Variants in SCO2 observed in about 807,000 individuals in gnomAD.
SCO2 encodes cytochrome c oxidase assembly factor SCO2.
For missense variants in SCO2, 429 were observed against 348.7 expected, an observed-to-expected ratio of 1.23 and a Z score of -1.83; for synonymous variants, 195 against 148.6, an observed-to-expected ratio of 1.31 and a Z score of -2.27.
At position 50,525,571 on chromosome 22, in the gene SCO2, A is replaced by C; in HGVS notation, c.-113T>G. The C allele has an allele frequency of 1.3e-6, 1 of 773,848 alleles. No homozygotes were observed. The highest frequency in any genetic ancestry group is 2.0e-6 in the Non-Finnish European group (1 of 490,308). The allele number at this position is 773,848 out of a possible 1,614,324, so 47.9% of individuals were successfully genotyped here. A position where few individuals can be genotyped will look rare whatever the true frequency, so the allele number is the denominator to read the frequency against. ...CGCCGGCTCAGGGAAAGCGGGCGCC[A>C]CACGCTCACAGGCAGGGCGCAGGCG... On this transcript the variant is annotated 5_prime_UTR_variant, in exon 1 of 2. Coordinates refer to ENST00000395693, the MANE Select transcript of SCO2 (RefSeq NM_005138.3).
Position 50,523,857 on chromosome 22 carries a change from G to A in SCO2, c.555C>T (p.His185=), listed in dbSNP as rs763756143. 6.2e-7 allele frequency: 1 copy of A among 1,614,010 alleles called. No individual in the cohort carries two copies. The highest frequency in any genetic ancestry group is 1.7e-5 in the Admixed American group (1 of 60,030). The part of the protein sequence containing the change: ...EAMARYVQDF[H]PRLLGLTGST... ...AGCCGGTCAGACCCAACAGTCTTGG[G>A]TGGAAGTCCTGGACGTAGCGGGCCA... Residue 185 remains histidine, a synonymous_variant, in exon 2 of 2, where the codon CAC becomes CAT. Transcript: ENST00000395693.
upstream of SCO2, chr22:50,525,758 G>A (rs750950409): frequency 6.2e-7 from 1 of 1,609,844 alleles, no homozygotes; most frequent in Non-Finnish European, 8.5e-7. Context: ...AAGGTTTCGC[G>A]GCAAAGGAGC....
chr22:50,523,956 T>A lies in SCO2; in HGVS notation c.456A>T (p.Glu152Asp), dbSNP rs536037216. ...EKLVQVVRQL[E>D]AEPGLPPVQP... is the part of the protein sequence containing the mutation. ...GCACTGGAGGCAAACCAGGCTCTGC[T>A]TCCAGCTGCCGCACCACCTGCACCA... The change falls in exon 2 of 2, where the codon GAA (glutamate) becomes GAT (aspartate). Residue 152 changes from glutamate to aspartate, a missense_variant. Coordinates refer to ENST00000395693, the MANE Select transcript of SCO2 (RefSeq NM_005138.3). 2.0e-4 allele frequency: 318 copies of A among 1,612,434 alleles called. 2 individuals carry two copies. In the South Asian group the frequency reaches 3.3e-3, roughly 16 times the overall value.
intron 1 of SCO2, chr22:50,524,724 T>C (rs2069257732): frequency 5.0e-6 from 3 of 595,292 alleles, no homozygotes; most frequent in East Asian, 3.8e-5. Flanking sequence ...TCCAAGTGCA[T>C]GCCTTGCCTG....
rs2069308999 is a variant in SCO2, at chr22:50,525,523, C to T, written c.-65G>A. The T allele has an allele frequency of 3.4e-6, 2 of 586,382 alleles. No homozygotes were observed. The highest frequency in any genetic ancestry group is 2.0e-5 in the African/African-American group (1 of 50,050). The allele number at this position is 586,382 out of a possible 1,614,324, so 36.3% of individuals were successfully genotyped here. A position where few individuals can be genotyped will look rare whatever the true frequency, so the allele number is the denominator to read the frequency against. On this transcript the variant is annotated 5_prime_UTR_variant, in exon 1 of 2. Coordinates refer to ENST00000395693, the MANE Select transcript of SCO2 (RefSeq NM_005138.3). ...ACCAAGCACGAGAGGAAGCGCCGACCTCCAGCTCCCTGCGCTCTGCCCCGC... is the reference window on the plus strand; with the variant it reads ...ACCAAGCACGAGAGGAAGCGCCGACTTCCAGCTCCCTGCGCTCTGCCCCGC...
upstream of SCO2, chr22:50,525,786 A>G: frequency 1.2e-6 from 2 of 1,610,918 alleles, no homozygotes; most frequent in South Asian, 2.2e-5. Flanking sequence ...CTGCGGCGGC[A>G]GAACGAGCTC....
At chr22:50,525,679 T>A, upstream of SCO2, 4 of 1,534,058 alleles carry the variant, frequency 2.6e-6, no homozygotes, top group East Asian at 9.8e-5. Flanking sequence ...CCGCCGGGGG[T>A]CACGTGTTCA....
At chr22:50,526,217 G>T, upstream of SCO2, 2 of 1,504,500 alleles carry the variant, frequency 1.3e-6, no homozygotes, top group Non-Finnish European at 1.8e-6. Context: ...TGGCGGAGGC[G>T]GAAGGACGGG....
chr22:50,526,025 C>G, upstream of SCO2: 1 of 1,473,292 alleles, frequency 6.8e-7, no homozygotes, highest in Non-Finnish European at 8.9e-7. Flanking sequence ...TGACCCACGT[C>G]GACCAGCAGC....
At chr22:50,525,868 G>C, upstream of SCO2, 1 of 1,595,210 alleles carries the variant, frequency 6.3e-7, no homozygotes, top group Non-Finnish European at 8.5e-7. Flanking sequence ...GCGCGGCTCT[G>C]CGGGCCGCTG....
At chr22:50,524,650 T>A in intron 1 of SCO2, 1 of 697,292 alleles carries the variant, frequency 1.4e-6, no homozygotes, top group Non-Finnish European at 2.7e-6. Context: ...ATCACCAGCC[T>A]GTCACCGCAC....
rs375345044 is a variant in SCO2 at position 50,523,689 on chromosome 22, G to C, written c.723C>G (p.Tyr241Ter). The change falls in exon 2 of 2, where the codon TAC becomes TAG. Residue 241 changes from tyrosine to a stop codon, truncating the protein, a stop_gained. Coordinates refer to ENST00000395693, the MANE Select transcript of SCO2 (RefSeq NM_005138.3). LOFTEE classifies it high-confidence loss of function. ...TCTGCTCAGCCGATCTGCTCCGGCC[G>C]TAGTAATCCGTGAAGAGGCCGTCAG... ...LNPDGLFTDY[Y>*]GRSRSAEQIS... 1 of 1,614,150 alleles carries C rather than the reference G, an allele frequency of 6.2e-7. No individual in the cohort carries two copies. The highest frequency in any genetic ancestry group is 2.2e-5 in the East Asian group (1 of 44,884).
intron 1 of SCO2, 178 bp downstream of exon 1, chr22:50,525,294 G>C (rs1569521798): frequency 4.3e-6 from 1 of 230,482 alleles, no homozygotes; most frequent in Admixed American, 5.6e-5. Flanking sequence ...GTGCTTGGCC[G>C]CGAGAACACC....
intron 1 of SCO2, among the ~76,000 whole-genome samples, chr22:50,525,178 C>T (rs1262288177): frequency 6.6e-6 from 1 of 152,268 alleles, no homozygotes; most frequent in Non-Finnish European, 1.5e-5. Context: ...TCACTGCACC[C>T]CCGCCCGGGC....
upstream of SCO2, chr22:50,526,295 C>T (rs754410018): frequency 1.3e-6 from 2 of 1,554,614 alleles, no homozygotes; most frequent in Non-Finnish European, 1.7e-6. Context: ...GAGGCAGCAG[C>T]TGCCGGCGTT....
Position 50,524,142 on chromosome 22 carries a change from TC to T in SCO2, c.269del (p.Arg90GlnfsTer36), listed in dbSNP as rs1336717028. ...CAGCTGCCTGGCGCAGGGCTTCTGTTCGCTTTTGCTGCTGCAGCCTCTCCTT... is the reference window on the plus strand; with the variant it reads ...CAGCTGCCTGGCGCAGGGCTTCTGTTGCTTTTGCTGCTGCAGCCTCTCCTT... ...AEKERLQQQK[R>X]TEALRQAAVG... On this transcript the variant is annotated frameshift_variant, in exon 2 of 2. Transcript: ENST00000395693. LOFTEE classifies it low-confidence loss of function (END_TRUNC). 1 of 1,611,980 alleles carries T rather than the reference TC, an allele frequency of 6.2e-7. No individual in the cohort carries two copies. The highest frequency in any genetic ancestry group is 1.7e-5 in the Admixed American group (1 of 60,026).
At position 50,525,586 on chromosome 22, in the gene SCO2, G is replaced by GGGCGCAGGCGTCCCCGGAGC; in HGVS notation, c.-129_-128insGCTCCGGGGACGCCTGCGCC. On this transcript the variant is annotated 5_prime_UTR_variant, in exon 1 of 2. Transcript: ENST00000395693. ...AGCGGGCGCCACACGCTCACAGGCA[G>GGGCGCAGGCGTCCCCGGAGC]GGCGCAGGCGTCCCCGGAGCTGCGC... 1.1e-6 allele frequency: 1 copy of GGGCGCAGGCGTCCCCGGAGC among 897,790 alleles called. No individual in the cohort carries two copies. The highest frequency in any genetic ancestry group is 1.7e-6 in the Non-Finnish European group (1 of 584,140). The allele number at this position is 897,790 out of a possible 1,614,324, so 55.6% of individuals were successfully genotyped here.
upstream of SCO2, chr22:50,525,733 C>A: frequency 6.2e-7 from 1 of 1,600,778 alleles, no homozygotes; most frequent in East Asian, 2.3e-5. Context: ...CTTCCGCTCC[C>A]GCCCAAGCAC....
chr22:50,524,872 T>G, intron 1 of SCO2: 8 of 356,920 alleles, frequency 2.2e-5, no homozygotes, highest in Non-Finnish European at 4.4e-5. Context: ...AACCGCGGCC[T>G]TCCTCCACAC....
Sources: gnomAD v4.1 joint callset for allele counts (sites outside exome capture counted in the v4.1 genomes callset) on GRCh38, gnomAD v4.1.1 for gene constraint, MANE v1.5 for transcripts, NCBI Gene and HGNC (gene_info 2026-07-23, HGNC 2026-07-21) for gene names.